ZSWIM6: variants seen among roughly 807,000 people sequenced by gnomAD.
ZSWIM6 encodes zinc finger SWIM domain-containing protein 6.
A neutral mutation model predicts 113.2 loss-of-function variants in ZSWIM6; 9 were observed. The ratio of observed to expected loss-of-function variants is 0.08; its 90% CI spans 0.05 to 0.14. ZSWIM6 has a LOEUF of 0.14. Ranked by LOEUF, ZSWIM6 falls within the 10% of genes least tolerant of loss-of-function variation. The pLI, the probability that ZSWIM6 is intolerant of heterozygous loss-of-function variation, is 1.00. For missense variants in ZSWIM6, 1,162 were observed against 1,552.2 expected, an observed-to-expected ratio of 0.75 and a Z score of 4.22; for synonymous variants, 611 against 606.5, an observed-to-expected ratio of 1.01 and a Z score of -0.11.
intron 1 of ZSWIM6, among the ~76,000 whole-genome samples, chr5:61,343,461 C>T (rs987218689): frequency 1.3e-5 from 2 of 152,202 alleles, no homozygotes; most frequent in Non-Finnish European, 2.9e-5. Flanking sequence ...TTTAAATTCT[C>T]TTACGTAATT....
At chr5:61,427,617 T>C (rs944324368) in intron 1 of ZSWIM6, among the ~76,000 whole-genome samples, 1 of 152,172 alleles carries the variant, frequency 6.6e-6, no homozygotes, top group Admixed American at 6.5e-5. Context: ...TAGGTGGGAC[T>C]ACAGGCACAA....
chr5:61,375,708 G>A (rs1429958685), intron 1 of ZSWIM6: 5 of 1,547,520 alleles, frequency 3.2e-6, no homozygotes, highest in Non-Finnish European at 2.6e-6. Context: ...CAGAATCAGA[G>A]TATATTGAGG....
Position 61,521,695 on chromosome 5 carries a change from G to A in ZSWIM6, c.1513+253G>A, listed in dbSNP as rs142237385. On this transcript the variant is annotated intron_variant, in intron 5 of 13. Transcript: ENST00000252744. ...TAATACTTATTTTATATACTAGTATGTGTTAAAATGGCCTATTAATGATTT... is the reference window on the plus strand; with the variant it reads ...TAATACTTATTTTATATACTAGTATATGTTAAAATGGCCTATTAATGATTT... Among the ~76,000 whole-genome samples the A allele has an allele frequency of 1.2e-4, 18 of 152,196 alleles. No individual in the cohort carries two copies. In the East Asian group the frequency reaches 3.1e-3, roughly 26 times the overall value.
intron 1 of ZSWIM6, among the ~76,000 whole-genome samples, chr5:61,449,626 A>G (rs1747042704): frequency 6.6e-6 from 1 of 152,178 alleles, no homozygotes; most frequent in Admixed American, 6.5e-5. Flanking sequence ...CTGCACCTCA[A>G]AAGGTATTTG....
chr5:61,345,889 G>A (rs1456674129), intron 1 of ZSWIM6, among the ~76,000 whole-genome samples: 1 of 152,210 alleles, frequency 6.6e-6, no homozygotes, highest in African/African-American at 2.4e-5. Context: ...TTAGTGAAAG[G>A]TGAATTGCTT....
rs750163289 is a variant in ZSWIM6, at chr5:61,544,339, G to A, written c.*22G>A. On this transcript the variant is annotated 3_prime_UTR_variant, in exon 14 of 14. Coordinates refer to ENST00000252744, the MANE Select transcript of ZSWIM6 (RefSeq NM_020928.2). ...TTGATAGATCTTGTATGAATGGGGTGGGGGGTGGGGATGGGAGGGATGGTT... is the reference window on the plus strand; with the variant it reads ...TTGATAGATCTTGTATGAATGGGGTAGGGGGTGGGGATGGGAGGGATGGTT... The A allele has an allele frequency of 1.5e-5, 2 of 137,728 alleles. No individual in the cohort carries two copies. The highest frequency in any genetic ancestry group is 3.0e-5 in the Non-Finnish European group (2 of 67,042). 8.5% of individuals were successfully genotyped at this position (137,728 alleles called of 1,614,324 possible). A position where few individuals can be genotyped will look rare whatever the true frequency, so the allele number is the denominator to read the frequency against.
intron 1 of ZSWIM6, among the ~76,000 whole-genome samples, chr5:61,433,468 C>T (rs1746628271): frequency 7.0e-6 from 1 of 143,082 alleles, no homozygotes; most frequent in Admixed American, 7.0e-5. Context: ...GATTTATAGA[C>T]TTAGTTGTTT....
intron 13 of ZSWIM6, among the ~76,000 whole-genome samples, chr5:61,542,948 G>A (rs1357125566): frequency 2.0e-5 from 3 of 152,154 alleles, no homozygotes; most frequent in Admixed American, 2.0e-4. Context: ...CATTTCCAAC[G>A]TTTGATTCAT....
chr5:61,333,093 C>T (rs1561194544), intron 1 of ZSWIM6, 145 bp downstream of exon 1: 1 of 932,962 alleles, frequency 1.1e-6, no homozygotes, highest in Non-Finnish European at 1.3e-6. Flanking sequence ...GGACGGTCCT[C>T]CTGAGCGGAG....
At chr5:61,522,950 T>C (rs1749171712) in intron 5 of ZSWIM6, among the ~76,000 whole-genome samples, 1 of 152,260 alleles carries the variant, frequency 6.6e-6, no homozygotes, top group African/African-American at 2.4e-5. Context: ...GAATATTTCA[T>C]GGCCTTAGAA....
intron 1 of ZSWIM6, among the ~76,000 whole-genome samples, chr5:61,410,489 T>C (rs1261091844): frequency 2.0e-5 from 3 of 151,842 alleles, no homozygotes; most frequent in African/African-American, 7.3e-5. Flanking sequence ...TTTGTATTTT[T>C]AGTAGAGATG....
intron 10 of ZSWIM6, 97 bp from the exon 11 acceptor site, chr5:61,538,717 A>G: frequency 1.5e-6 from 2 of 1,372,592 alleles, no homozygotes; most frequent in Non-Finnish European, 2.0e-6. Flanking sequence ...AGGCCTGAAC[A>G]TCTACCCACT....
chr5:61,478,705 T>TTG (rs3067226), intron 2 of ZSWIM6, among the ~76,000 whole-genome samples: 1,776 of 147,638 alleles, frequency 0.012, 16 homozygotes, highest in African/African-American at 0.024. Context: ...GTGTGTGTGT[T>TTG]TGTGTGTGTG....
At chr5:61,399,774 C>G (rs543111909) in intron 1 of ZSWIM6, among the ~76,000 whole-genome samples, 1 of 152,312 alleles carries the variant, frequency 6.6e-6, no homozygotes, top group East Asian at 1.9e-4. Context: ...GAAAATACTT[C>G]CTCTGTAGGT....
chr5:61,425,469 A>G (rs1746446634), intron 1 of ZSWIM6, among the ~76,000 whole-genome samples: 1 of 152,212 alleles, frequency 6.6e-6, no homozygotes, highest in South Asian at 2.1e-4. Flanking sequence ...ATGAAGCACC[A>G]TGCTTAGAAG....
chr5:61,539,499 C>G, intron 11 of ZSWIM6, 97 bp from the exon 12 acceptor site: 1 of 1,326,486 alleles, frequency 7.5e-7, no homozygotes, highest in Non-Finnish European at 1.0e-6. Flanking sequence ...TCTTTTTTCC[C>G]CCTCTGTGTG....
At chr5:61,336,205 G>T (rs987332641) in intron 1 of ZSWIM6, among the ~76,000 whole-genome samples, 2 of 151,996 alleles carry the variant, frequency 1.3e-5, no homozygotes, top group East Asian at 1.9e-4. Flanking sequence ...CAGAGGTTGC[G>T]GTGAGCTAAG....
intron 1 of ZSWIM6, among the ~76,000 whole-genome samples, chr5:61,398,655 G>A (rs1745886289): frequency 1.3e-5 from 2 of 152,014 alleles, no homozygotes; most frequent in African/African-American, 4.8e-5. Flanking sequence ...ATTTATCAAC[G>A]TGCTTAAAAA....
chr5:61,359,368 A>C (rs1186134473), intron 1 of ZSWIM6, among the ~76,000 whole-genome samples: 1 of 152,122 alleles, frequency 6.6e-6, no homozygotes, highest in Non-Finnish European at 1.5e-5. Context: ...CATCACTGGT[A>C]GTTTTTATGC....
Sources: gnomAD v4.1 joint callset for allele counts (sites outside exome capture counted in the v4.1 genomes callset) on GRCh38, gnomAD v4.1.1 for gene constraint, MANE v1.5 for transcripts, NCBI Gene and HGNC (gene_info 2026-07-23, HGNC 2026-07-21) for gene names.